The following TET3 variants were observed in gnomAD, a reference collection of about 807,000 sequenced individuals.
TET3 encodes tet methylcytosine dioxygenase 3.
In TET3, 19 loss-of-function variants were observed where a neutral mutation model predicts 141.4. That is an observed-to-expected ratio of 0.13 (90% confidence interval 0.09 to 0.20). The LOEUF (loss-of-function observed/expected upper bound fraction) is 0.20, where lower values mean the gene tolerates loss of function less well. Ranked by LOEUF, TET3 falls within the 10% of genes least tolerant of loss-of-function variation. The pLI is 1.00. For synonymous variants in TET3, 1,043 were observed against 980.9 expected (o/e 1.06, Z -1.18); for missense variants, 1,874 against 2,356.9 (o/e 0.80, Z 4.24).
At chr2:74,128,992 T>TAAAAAAAAAAAAAAA in the TET3 span, among the ~76,000 whole-genome samples, 14 of 77,924 alleles carry the variant, frequency 1.8e-4, no homozygotes, top group African/African-American at 7.7e-4. Flanking sequence ...TGTCTCAATT[T>TAAAAAAAAAAAAAAA]AAAAAAAAAA....
the TET3 span, among the ~76,000 whole-genome samples, chr2:74,128,602 G>A: frequency 6.6e-6 from 1 of 151,924 alleles, no homozygotes; most frequent in African/African-American, 2.4e-5. Flanking sequence ...AACTGGATGT[G>A]GGACATATGG....
intron 3 of TET3, among the ~76,000 whole-genome samples, chr2:74,038,826 C>T (rs926332217): frequency 3.3e-5 from 5 of 152,198 alleles, no homozygotes; most frequent in African/African-American, 1.2e-4. Context: ...CCTAACAGAA[C>T]GTGGCTGTGC....
At chr2:74,037,243 T>A (rs1337061284) in intron 3 of TET3, among the ~76,000 whole-genome samples, 2 of 152,226 alleles carry the variant, frequency 1.3e-5, no homozygotes, top group Non-Finnish European at 2.9e-5. Context: ...GCTTATTAGT[T>A]TTATCAATAA....
chr2:74,020,125 A>G (rs1685957683), intron 3 of TET3, among the ~76,000 whole-genome samples: 1 of 151,816 alleles, frequency 6.6e-6, no homozygotes, highest in African/African-American at 2.4e-5. Context: ...CATCCCCCCA[A>G]CCCAGTATGT....
At chr2:74,010,720 C>A (rs1685384791) in intron 3 of TET3, among the ~76,000 whole-genome samples, 1 of 152,212 alleles carries the variant, frequency 6.6e-6, no homozygotes, top group African/African-American at 2.4e-5. Flanking sequence ...CCTGCCTCTC[C>A]CATGTCCCTG....
At chr2:73,992,086 C>A (rs539665060) in intron 2 of TET3, among the ~76,000 whole-genome samples, 5 of 152,050 alleles carry the variant, frequency 3.3e-5, no homozygotes, top group Non-Finnish European at 7.4e-5. Flanking sequence ...ATGCTGATAA[C>A]AATGTCTTGT....
At position 74,104,926 on chromosome 2, in the gene TET3, C is replaced by T. The variant is rs961863995; in HGVS notation, c.*2750C>T. 4 of 364,822 alleles carry T rather than the reference C, an allele frequency of 1.1e-5. No individual in the cohort carries two copies. Among genetic ancestry groups the T allele is most frequent in the African/African-American group, 8.3e-5 (4 of 47,934 alleles). The allele number at this position is 364,822 out of a possible 1,614,324, so 22.6% of individuals were successfully genotyped here. ...TTCCAGAGTTAGGCGGTGTGGTTGC[C>T]GTGCTCAAGCCCATGCTGATTTGTA... On this transcript the variant is annotated 3_prime_UTR_variant, in exon 12 of 12. Coordinates refer to ENST00000409262, the MANE Select transcript of TET3 (RefSeq NM_001287491.2).
intron 2 of TET3, among the ~76,000 whole-genome samples, chr2:73,987,005 G>A (rs1267080098): frequency 6.6e-6 from 1 of 152,212 alleles, no homozygotes; most frequent in African/African-American, 2.4e-5. Flanking sequence ...GCTGCTTGAA[G>A]CCTCAGATGT....
At chr2:74,031,517 G>A (rs546342191) in intron 3 of TET3, among the ~76,000 whole-genome samples, 2 of 152,294 alleles carry the variant, frequency 1.3e-5, no homozygotes, top group African/African-American at 4.8e-5. Flanking sequence ...AGTGACTGTG[G>A]ATAATGAAGC....
chr2:74,022,518 T>C (rs1347539950), intron 3 of TET3, among the ~76,000 whole-genome samples: 1 of 151,920 alleles, frequency 6.6e-6, no homozygotes, highest in Non-Finnish European at 1.5e-5. Flanking sequence ...CAAACTTTTT[T>C]TTTTTTACAT....
rs183391436 is a variant in TET3, at chr2:73,997,148, A to G, written c.304-5962A>G. On this transcript the variant is annotated intron_variant, in intron 2 of 11. Transcript: ENST00000409262. ...GCATTGGATGGAATTATTTGGTGGTATTGGCCAGACTGTGGGTCCCCCATG... is the reference window on the plus strand; with the variant it reads ...GCATTGGATGGAATTATTTGGTGGTGTTGGCCAGACTGTGGGTCCCCCATG... 2.2e-3 allele frequency among the ~76,000 whole-genome samples: 330 copies of G among 152,376 alleles called. 1 individual carries two copies. The highest frequency in any genetic ancestry group is 2.5e-3 in the Non-Finnish European group (167 of 68,036).
rs1191677081 is a variant in TET3, at chr2:74,058,093, A to C, written c.2494+9682A>C. ...AAGAAGTTGTGAGAGTTATGGATTA[A>C]ATTCCAGAAGAAGCATGCCATTACA... On this transcript the variant is annotated intron_variant, in intron 4 of 11. Coordinates refer to ENST00000409262, the MANE Select transcript of TET3 (RefSeq NM_001287491.2). Among the ~76,000 whole-genome samples the C allele has an allele frequency of 3.9e-5, 6 of 152,232 alleles. No homozygotes were observed. The South Asian group carries it at 1.2e-3, about 31-fold the overall frequency.
intron 4 of TET3, among the ~76,000 whole-genome samples, chr2:74,058,196 G>A (rs927273209): frequency 4.6e-5 from 7 of 152,196 alleles, no homozygotes; most frequent in Admixed American, 3.3e-4. Context: ...GTGAGGAAGA[G>A]GCATGGTCTT....
intron 6 of TET3, among the ~76,000 whole-genome samples, chr2:74,084,129 G>T (rs903618317): frequency 6.6e-6 from 1 of 152,168 alleles, no homozygotes; most frequent in Non-Finnish European, 1.5e-5. Flanking sequence ...GGGAAGCACC[G>T]TTCTTGCCGT....
chr2:74,065,318 A>G (rs901407644), intron 4 of TET3, among the ~76,000 whole-genome samples: 2 of 152,164 alleles, frequency 1.3e-5, no homozygotes, highest in African/African-American at 4.8e-5. Context: ...ATGAATATTT[A>G]TATATTTAAT....
At chr2:74,011,242 A>C (rs912709235) in intron 3 of TET3, among the ~76,000 whole-genome samples, 1 of 151,854 alleles carries the variant, frequency 6.6e-6, no homozygotes, top group African/African-American at 2.4e-5. Context: ...AAAAAAAAAA[A>C]AAAACACTTT....
At chr2:74,015,331 G>A (rs1017230681) in intron 3 of TET3, among the ~76,000 whole-genome samples, 3 of 152,028 alleles carry the variant, frequency 2.0e-5, no homozygotes, top group Admixed American at 6.5e-5. Context: ...AATAATGTAC[G>A]CCCATTTAAA....
the TET3 span, among the ~76,000 whole-genome samples, chr2:74,119,315 T>C: frequency 6.7e-6 from 1 of 148,180 alleles, no homozygotes; most frequent in South Asian, 2.1e-4. Flanking sequence ...ATCGCACCAC[T>C]GCACTTCAGC....
intron 10 of TET3, among the ~76,000 whole-genome samples, chr2:74,094,979 G>A (rs1420153672): frequency 2.0e-5 from 3 of 152,184 alleles, no homozygotes; most frequent in African/African-American, 7.2e-5. Context: ...GACGCCATCA[G>A]CAGGGGAGTG....
Sources: allele counts gnomAD v4.1 joint callset (sites outside exome capture counted in the v4.1 genomes callset), GRCh38; gene constraint gnomAD v4.1.1; transcripts MANE v1.5; gene names NCBI Gene and HGNC (gene_info 2026-07-23, HGNC 2026-07-21).